The following HPSE2 variants were observed in gnomAD, a reference collection of about 807,000 sequenced individuals.
The protein encoded by HPSE2 is heparanase 2 (inactive).
Under a neutral mutation model 60.5 loss-of-function variants are expected in HPSE2, and 38 were observed. The observed-to-expected ratio is 0.63, with a 90% CI of 0.48 to 0.82. The LOEUF (loss-of-function observed/expected upper bound fraction) is 0.82, where lower values mean the gene tolerates loss of function less well. Among genes scored for constraint, HPSE2 ranks in the 40% least tolerant of loss-of-function variants. The probability of loss-of-function intolerance (pLI) is 0.00; values close to 1 mark genes in which losing one functional copy is unlikely to be tolerated. For synonymous variants in HPSE2, 295 were observed against 293.2 expected (o/e 1.01, Z -0.06); for missense variants, 713 against 740.4 (o/e 0.96, Z 0.43).
chr10:98,657,024 A>C (rs1329014154), intron 6 of HPSE2, among the ~76,000 whole-genome samples: 1 of 152,022 alleles, frequency 6.6e-6, no homozygotes, highest in Admixed American at 6.5e-5. Flanking sequence ...TGGCTTCCTA[A>C]AGTGCTGAGA....
intron 3 of HPSE2, among the ~76,000 whole-genome samples, chr10:98,796,063 C>T (rs1429567424): frequency 1.3e-5 from 2 of 152,138 alleles, no homozygotes; most frequent in African/African-American, 2.4e-5. Context: ...CTGAGATGTG[C>T]TCACTTTAGG....
chr10:99,265,499 T>A, the HPSE2 span, among the ~76,000 whole-genome samples: 5 of 152,070 alleles, frequency 3.3e-5, no homozygotes, highest in African/African-American at 1.2e-4. Flanking sequence ...AATACCTAGG[T>A]GACGGGATGA....
chr10:99,196,613 G>A (rs1848407916), intron 2 of HPSE2, among the ~76,000 whole-genome samples: 1 of 152,102 alleles, frequency 6.6e-6, no homozygotes, highest in African/African-American at 2.4e-5. Context: ...ATGAAAAGGT[G>A]CTCAACATCA....
At chr10:98,988,476 C>A (rs1753180548) in intron 3 of HPSE2, among the ~76,000 whole-genome samples, 1 of 151,318 alleles carries the variant, frequency 6.6e-6, no homozygotes, top group Admixed American at 6.6e-5. Context: ...CTTCCTTACA[C>A]CTTATACAAA....
At chr10:98,635,278 G>T (rs502049) in intron 7 of HPSE2, among the ~76,000 whole-genome samples, 35,583 of 152,034 alleles carry the variant, frequency 0.23, 4,318 homozygotes, top group Admixed American at 0.32. Flanking sequence ...ACATACTGTT[G>T]GTGGGAATGT....
intron 3 of HPSE2, among the ~76,000 whole-genome samples, chr10:98,839,235 T>C (rs2134684468): frequency 6.6e-6 from 1 of 152,290 alleles, no homozygotes; most frequent in Non-Finnish European, 1.5e-5. Context: ...TTTTTTCATA[T>C]TATTAATGAC....
the HPSE2 span, among the ~76,000 whole-genome samples, chr10:99,250,181 A>T: frequency 6.8e-6 from 1 of 147,394 alleles, no homozygotes; most frequent in Non-Finnish European, 1.5e-5. Context: ...CTCCCCTTTT[A>T]TTTCTCTTCC....
intron 3 of HPSE2, among the ~76,000 whole-genome samples, chr10:99,072,542 T>C (rs973521259): frequency 2.6e-4 from 40 of 151,968 alleles, no homozygotes; most frequent in African/African-American, 8.7e-4. Context: ...CTGACAAACA[T>C]ATGAAAAAAA....
At chr10:99,291,919 A>C in the HPSE2 span, among the ~76,000 whole-genome samples, 1 of 152,190 alleles carries the variant, frequency 6.6e-6, no homozygotes, top group Non-Finnish European at 1.5e-5. Flanking sequence ...AGCCCCACTG[A>C]GAAAGGCCTG....
chr10:99,101,810 A>G (rs865944970), intron 3 of HPSE2, among the ~76,000 whole-genome samples: 2 of 152,268 alleles, frequency 1.3e-5, no homozygotes, highest in Admixed American at 1.3e-4. Context: ...CAATCAAACT[A>G]GGACTCAGGA....
intron 3 of HPSE2, among the ~76,000 whole-genome samples, chr10:98,840,542 A>G (rs1429535759): frequency 6.6e-6 from 1 of 152,210 alleles, no homozygotes; most frequent in Non-Finnish European, 1.5e-5. Flanking sequence ...CAGAGAAGAC[A>G]GCAGGGAAGC....
intron 3 of HPSE2, among the ~76,000 whole-genome samples, chr10:98,761,083 A>G (rs540466055): frequency 6.6e-6 from 1 of 152,166 alleles, no homozygotes; most frequent in African/African-American, 2.4e-5. Context: ...TGTCTAGGTT[A>G]TCCAATATGT....
At chr10:99,040,815 A>C (rs1023285338) in intron 3 of HPSE2, among the ~76,000 whole-genome samples, 4 of 152,210 alleles carry the variant, frequency 2.6e-5, no homozygotes, top group African/African-American at 9.6e-5. Flanking sequence ...AGCCAGGTGC[A>C]GTGGCTCACG....
chr10:99,060,075 G>T (rs1465891448), intron 3 of HPSE2, among the ~76,000 whole-genome samples: 2 of 151,218 alleles, frequency 1.3e-5, no homozygotes, highest in African/African-American at 4.9e-5. Flanking sequence ...TAAACCTATG[G>T]ATATAAAAGA....
intron 3 of HPSE2, among the ~76,000 whole-genome samples, chr10:99,077,658 T>C (rs1428412904): frequency 6.6e-6 from 1 of 152,174 alleles, no homozygotes; most frequent in African/African-American, 2.4e-5. Flanking sequence ...CCATTAAATA[T>C]ATACAGGTGT....
chr10:99,302,015 GC>G, the HPSE2 span, among the ~76,000 whole-genome samples: 8 of 151,874 alleles, frequency 5.3e-5, no homozygotes, highest in African/African-American at 1.9e-4. Context: ...ACTCTAGCAG[GC>G]CTGACCTCAA....
intron 3 of HPSE2, among the ~76,000 whole-genome samples, chr10:99,022,051 C>T (rs1186639765): frequency 8.8e-6 from 1 of 113,786 alleles, no homozygotes; most frequent in Non-Finnish European, 1.7e-5. Context: ...CTCCCCCCAC[C>T]CCACAACCTG....
intron 3 of HPSE2, among the ~76,000 whole-genome samples, chr10:98,964,728 T>C (rs1161345255): frequency 6.6e-6 from 1 of 152,176 alleles, no homozygotes; most frequent in Admixed American, 6.5e-5. Context: ...TAAATAAATC[T>C]GTCAAGACCT....
intron 3 of HPSE2, among the ~76,000 whole-genome samples, chr10:98,896,843 T>C (rs540961769): frequency 6.6e-6 from 1 of 152,292 alleles, no homozygotes; most frequent in Admixed American, 6.5e-5. Flanking sequence ...ACAAATTTGG[T>C]AACTTATATG....
Sources: allele counts gnomAD v4.1 joint callset (sites outside exome capture counted in the v4.1 genomes callset), GRCh38; gene constraint gnomAD v4.1.1; transcripts MANE v1.5; gene names NCBI Gene and HGNC (gene_info 2026-07-23, HGNC 2026-07-21).